WDR72: variants seen among roughly 807,000 people sequenced by gnomAD.
WDR72 encodes the protein WD repeat-containing protein 72.
In WDR72, 120 loss-of-function variants were observed where a neutral mutation model predicts 124.2. The observed-to-expected ratio is 0.97, with a 90% CI of 0.83 to 1.12. The LOEUF is 1.12. Ranked by LOEUF, WDR72 falls within the 50% of genes most tolerant of loss-of-function variation. The probability of loss-of-function intolerance (pLI) is 0.00; values close to 1 mark genes in which losing one functional copy is unlikely to be tolerated. For missense variants in WDR72, 1,387 were observed against 1,278.8 expected, an observed-to-expected ratio of 1.08 and a Z score of -1.29; for synonymous variants, 452 against 441.7, an observed-to-expected ratio of 1.02 and a Z score of -0.29.
At position 53,515,622 on chromosome 15, in the gene WDR72, GT is replaced by G. The variant is rs1891417481; in HGVS notation, c.*2076del. 6.6e-6 allele frequency: 1 copy of G among 152,108 alleles called. No homozygotes were observed. Among genetic ancestry groups the G allele is most frequent in the Non-Finnish European group, 1.5e-5 (1 of 68,012 alleles). The allele number at this position is 152,108 out of a possible 1,614,324, so 9.4% of individuals were successfully genotyped here. On this transcript the variant is annotated 3_prime_UTR_variant, in exon 20 of 20. Transcript: ENST00000360509. ...CAAACCTTAGTCATTTAACAGGAAT[GT>G]TTAAATTTTAGAGATTCTAACATGC...
At chr15:53,684,130 G>C (rs1406215725) in intron 13 of WDR72, 1 of 152,116 alleles carries the variant, frequency 6.6e-6, no homozygotes, top group Non-Finnish European at 1.5e-5. Context: ...AAACATTGCA[G>C]GTATAATAGA....
At chr15:53,658,866 C>T (rs1474620084) in intron 14 of WDR72, among the ~76,000 whole-genome samples, 1 of 152,110 alleles carries the variant, frequency 6.6e-6, no homozygotes, top group Non-Finnish European at 1.5e-5. Flanking sequence ...CCTTAATAGT[C>T]GTTTATAAAT....
intron 14 of WDR72, among the ~76,000 whole-genome samples, chr15:53,616,538 T>C (rs2013774809): frequency 6.6e-6 from 1 of 151,978 alleles, no homozygotes; most frequent in Admixed American, 6.6e-5. Flanking sequence ...ATATAGACTC[T>C]CATATCTTTC....
In WDR72 at chr15:53,702,126, C is replaced by T. The variant is rs767988638; in HGVS notation, c.1569+8G>A. The T allele has an allele frequency of 1.1e-5, 18 of 1,603,948 alleles. No individual in the cohort carries two copies. The highest frequency in any genetic ancestry group is 8.4e-5 in the Admixed American group (5 of 59,828). ...AATTTAGATGTTATATTTTACTCTT[C>T]GTCTTACTTTAAACTTCTCTGGTGA... On this transcript the variant is annotated splice_region_variant and intron_variant, in intron 12 of 19. Coordinates refer to ENST00000360509, the MANE Select transcript of WDR72 (RefSeq NM_182758.4).
At chr15:53,618,581 C>T (rs1040947434) in intron 14 of WDR72, among the ~76,000 whole-genome samples, 3 of 151,922 alleles carry the variant, frequency 2.0e-5, no homozygotes, top group Non-Finnish European at 2.9e-5. Context: ...TTATTTTCTC[C>T]CAGTATTCGT....
chr15:53,724,800 C>T lies in WDR72; in HGVS notation c.154-1892G>A, dbSNP rs1211734857. On this transcript the variant is annotated intron_variant, in intron 2 of 19. Coordinates refer to ENST00000360509, the MANE Select transcript of WDR72 (RefSeq NM_182758.4). ...AATCATCACTCTGTACATCTTAAAC[C>T]TATATAATTTTACTAGTTAATTACA... 8.5e-5 allele frequency among the ~76,000 whole-genome samples: 13 copies of T among 152,172 alleles called. No homozygotes were observed. The East Asian group carries it at 2.5e-3, about 29-fold the overall frequency.
Position 53,711,065 on chromosome 15 carries a change from A to T in WDR72, c.858-112T>A. The T allele has an allele frequency of 3.0e-6, 3 of 996,290 alleles. No homozygotes were observed. In the South Asian group the frequency reaches 4.2e-5, roughly 14 times the overall value. The allele number at this position is 996,290 out of a possible 1,614,324, so 61.7% of individuals were successfully genotyped here. ...GGTACCGTTCAAGTTTCTAAACTCT[A>T]GTTAGAAATTGTTGGGTTAATAATT... On this transcript the variant is annotated intron_variant, in intron 8 of 19. Transcript: ENST00000360509.
Position 53,621,131 on chromosome 15 carries a change from T to TA in WDR72, c.1963-4889dup, listed in dbSNP as rs559786875. 4.2e-3 allele frequency among the ~76,000 whole-genome samples: 631 copies of TA among 151,856 alleles called. 2 individuals are homozygous for TA. The highest frequency in any genetic ancestry group is 6.2e-3 in the Non-Finnish European group (418 of 67,906). The stretch of plus-strand genomic sequence containing the variant: ...CTTACTCTTGCAAGAATGGCCATAA[T>TA]AAAAAAATAATAGATGTTGGCTTGG... On this transcript the variant is annotated intron_variant, in intron 14 of 19. Transcript: ENST00000360509.
At chr15:53,747,459 T>C (rs1201845284) in intron 1 of WDR72, among the ~76,000 whole-genome samples, 1 of 152,180 alleles carries the variant, frequency 6.6e-6, no homozygotes, top group East Asian at 1.9e-4. Flanking sequence ...AGATAGAGAA[T>C]ATCTTAGCAG....
intron 18 of WDR72, among the ~76,000 whole-genome samples, chr15:53,574,139 T>C (rs1022276589): frequency 6.6e-6 from 1 of 152,178 alleles, no homozygotes. Context: ...CAATTCTGTA[T>C]TACAATATAA....
chr15:53,727,351 T>C (rs1242861044), intron 2 of WDR72, among the ~76,000 whole-genome samples: 1 of 152,124 alleles, frequency 6.6e-6, no homozygotes, highest in Admixed American at 6.5e-5. Flanking sequence ...TACGAACATA[T>C]GTAGATGGTA....
At chr15:53,556,906 G>A (rs12902124) in intron 18 of WDR72, among the ~76,000 whole-genome samples, 130,325 of 152,072 alleles carry the variant, frequency 0.86, 55,906 homozygotes, top group Middle Eastern at 0.92. Flanking sequence ...TAATACATAT[G>A]TATACATATA....
At chr15:53,600,965 T>C (rs142018014) in intron 17 of WDR72, among the ~76,000 whole-genome samples, 2 of 152,306 alleles carry the variant, frequency 1.3e-5, no homozygotes, top group African/African-American at 4.8e-5. Context: ...TAGACAAACT[T>C]ATTCATCAGC....
chr15:53,687,135 C>T (rs914233334), intron 13 of WDR72, among the ~76,000 whole-genome samples: 1 of 148,808 alleles, frequency 6.7e-6, no homozygotes, highest in African/African-American at 2.5e-5. Flanking sequence ...GACACCCTAA[C>T]ATCACAATTA....
intron 18 of WDR72, among the ~76,000 whole-genome samples, chr15:53,569,376 T>A (rs1423025091): frequency 1.3e-5 from 2 of 150,032 alleles, no homozygotes; most frequent in African/African-American, 5.0e-5. Context: ...GTACAAGTTC[T>A]CCAAAATGGT....
intron 17 of WDR72, among the ~76,000 whole-genome samples, 192 bp from the exon 18 acceptor site, chr15:53,597,466 G>GT (rs139430513): frequency 7.1e-4 from 108 of 152,074 alleles, no homozygotes; most frequent in African/African-American, 2.5e-3. Context: ...CTTTCACACT[G>GT]TTTTTTTGCA....
At chr15:53,547,257 C>T (rs933131185) in intron 18 of WDR72, among the ~76,000 whole-genome samples, 2 of 152,186 alleles carry the variant, frequency 1.3e-5, no homozygotes, top group African/African-American at 2.4e-5. Flanking sequence ...CTCAGCCTCC[C>T]GAGTTGCCGG....
rs3081298 is a variant in WDR72, at chr15:53,638,580, CTTTT to C, written c.1963-22341_1963-22338del. Among the ~76,000 whole-genome samples the C allele has an allele frequency of 4.1e-3, 514 of 125,818 alleles. 2 individuals are homozygous for C. The highest frequency in any genetic ancestry group is 4.7e-3 in the Non-Finnish European group (282 of 59,666). The allele number at this position is 125,818 out of a possible 152,430, so 82.5% of individuals were successfully genotyped here. A position where few individuals can be genotyped will look rare whatever the true frequency, so the allele number is the denominator to read the frequency against. ...TTTTATATTTTCTCCTAATCACATT[CTTTT>C]TTTTTTTTTTTTTTTTGGTACAGAC... On this transcript the variant is annotated intron_variant, in intron 14 of 19. Coordinates refer to ENST00000360509, the MANE Select transcript of WDR72 (RefSeq NM_182758.4).
chr15:53,719,410 C>T (rs1244193228), intron 3 of WDR72, among the ~76,000 whole-genome samples: 1 of 152,142 alleles, frequency 6.6e-6, no homozygotes, highest in Non-Finnish European at 1.5e-5. Flanking sequence ...ACTCCCCTGG[C>T]TTCAGGTACT....
Sources: allele counts gnomAD v4.1 joint callset (sites outside exome capture counted in the v4.1 genomes callset), GRCh38; gene constraint gnomAD v4.1.1; transcripts MANE v1.5; gene names NCBI Gene and HGNC (gene_info 2026-07-23, HGNC 2026-07-21).